Variants in CFAP299 observed in about 807,000 individuals in gnomAD.
CFAP299 encodes the protein cilia and flagella associated protein 299, also known as cilia- and flagella-associated protein 299.
CFAP299 carries 21 observed loss-of-function variants against 27.0 expected under a neutral mutation model. That is an observed-to-expected ratio of 0.78 (90% CI 0.55 to 1.12). The LOEUF is 1.12. Ranked by LOEUF, CFAP299 falls within the 50% of genes most tolerant of loss-of-function variation. The pLI, the probability that CFAP299 is intolerant of heterozygous loss-of-function variation, is 0.00. For missense variants in CFAP299, 310 were observed against 276.6 expected, an observed-to-expected ratio of 1.12 and a Z score of -0.86; for synonymous variants, 104 against 98.1, an observed-to-expected ratio of 1.06 and a Z score of -0.36.
intron 3 of CFAP299, among the ~76,000 whole-genome samples, chr4:80,650,523 G>C (rs941324195): frequency 1.3e-5 from 2 of 152,058 alleles, no homozygotes; most frequent in Non-Finnish European, 2.9e-5. Context: ...TTTGACCATA[G>C]ATGACTGGCA....
intron 3 of CFAP299, among the ~76,000 whole-genome samples, chr4:80,661,706 A>G (rs1157855171): frequency 6.6e-6 from 1 of 152,206 alleles, no homozygotes; most frequent in Admixed American, 6.5e-5. Flanking sequence ...ACAGGACAAC[A>G]GCAATGTTCA....
At chr4:80,618,404 G>A (rs1738406239) in intron 3 of CFAP299, among the ~76,000 whole-genome samples, 1 of 152,084 alleles carries the variant, frequency 6.6e-6, no homozygotes, top group Non-Finnish European at 1.5e-5. Flanking sequence ...AACCAGCCAA[G>A]TATGTACTTT....
intron 2 of CFAP299, among the ~76,000 whole-genome samples, chr4:80,579,485 C>G (rs1736058583): frequency 6.6e-6 from 1 of 152,082 alleles, no homozygotes; most frequent in Admixed American, 6.6e-5. Context: ...AGTAAGAATT[C>G]TATTGCCTAT....
Position 80,653,984 on chromosome 4 carries a change from T to C in CFAP299, c.333+70801T>C, listed in dbSNP as rs184708488. Among the ~76,000 whole-genome samples the C allele has an allele frequency of 4.0e-3, 614 of 152,270 alleles. 3 individuals carry two copies. The highest frequency in any genetic ancestry group is 6.9e-3 in the Non-Finnish European group (472 of 68,012). The stretch of plus-strand genomic sequence containing the variant: ...TGTGGGTATGCATATCATGCTAATA[T>C]AATGTGGTGGGAAAGAACTAATGCA... On this transcript the variant is annotated intron_variant, in intron 3 of 5. Coordinates refer to ENST00000358105, the MANE Select transcript of CFAP299 (RefSeq NM_152770.3).
At chr4:80,524,490 G>T (rs111773137) in intron 2 of CFAP299, among the ~76,000 whole-genome samples, 1 of 151,904 alleles carries the variant, frequency 6.6e-6, no homozygotes, top group African/African-American at 2.4e-5. Context: ...AATGTCTGTA[G>T]GTGTTTTCAA....
chr4:80,879,966 A>G (rs1733609092), intron 4 of CFAP299, among the ~76,000 whole-genome samples: 1 of 152,196 alleles, frequency 6.6e-6, no homozygotes, highest in Non-Finnish European at 1.5e-5. Context: ...ATGCATTTGG[A>G]GGTCTACAAA....
intron 2 of CFAP299, among the ~76,000 whole-genome samples, chr4:80,415,989 T>G (rs1484886859): frequency 2.0e-5 from 3 of 152,210 alleles, no homozygotes; most frequent in Non-Finnish European, 4.4e-5. Context: ...AGGTTGAGTA[T>G]TCTATGGACA....
chr4:80,399,609 C>T (rs1041072944), intron 2 of CFAP299, among the ~76,000 whole-genome samples: 1 of 149,626 alleles, frequency 6.7e-6, no homozygotes, highest in Non-Finnish European at 1.5e-5. Flanking sequence ...CCAAACACCT[C>T]ATGTTCTCAC....
intron 3 of CFAP299, among the ~76,000 whole-genome samples, chr4:80,669,443 G>A (rs148391504): frequency 0.013 from 1,962 of 151,988 alleles, 23 homozygotes; most frequent in Middle Eastern, 0.031. Flanking sequence ...GTGAGCCACC[G>A]TGCCTGGCCA....
At chr4:80,827,515 T>C (rs1273828952) in intron 3 of CFAP299, among the ~76,000 whole-genome samples, 1 of 151,822 alleles carries the variant, frequency 6.6e-6, no homozygotes, top group African/African-American at 2.4e-5. Flanking sequence ...AACTTGACTC[T>C]CTTTCATGAT....
At chr4:80,830,609 A>T (rs539553253) in intron 3 of CFAP299, among the ~76,000 whole-genome samples, 1 of 152,076 alleles carries the variant, frequency 6.6e-6, no homozygotes, top group Non-Finnish European at 1.5e-5. Flanking sequence ...AGGCCAAACT[A>T]TCTCAAGGGC....
At chr4:80,407,644 A>G (rs2110057315) in intron 2 of CFAP299, among the ~76,000 whole-genome samples, 1 of 152,344 alleles carries the variant, frequency 6.6e-6, no homozygotes, top group East Asian at 1.9e-4. Context: ...GTGAAGAAAT[A>G]GATTCCACTT....
intron 4 of CFAP299, among the ~76,000 whole-genome samples, chr4:80,886,073 C>A (rs935517951): frequency 3.9e-5 from 6 of 152,152 alleles, no homozygotes; most frequent in Non-Finnish European, 1.5e-5. Context: ...TGGCAGAACA[C>A]CCCACGGACT....
At chr4:80,914,704 G>A (rs1735660840) in intron 4 of CFAP299, among the ~76,000 whole-genome samples, 1 of 152,114 alleles carries the variant, frequency 6.6e-6, no homozygotes, top group Non-Finnish European at 1.5e-5. Context: ...GTGGAGCTTT[G>A]ATAGTTTGTA....
chr4:80,741,075 C>A (rs953318121), intron 3 of CFAP299, among the ~76,000 whole-genome samples: 21 of 152,096 alleles, frequency 1.4e-4, no homozygotes, highest in African/African-American at 4.1e-4. Flanking sequence ...AGACAAAATC[C>A]CCTTTACTTT....
At position 80,767,712 on chromosome 4, in the gene CFAP299, A is replaced by T. The variant is rs115656951; in HGVS notation, c.334-102281A>T. Among the ~76,000 whole-genome samples, 890 of 152,334 alleles carry T rather than the reference A, an allele frequency of 5.8e-3. 6 individuals carry two copies. The highest frequency in any genetic ancestry group is 0.02 in the African/African-American group (829 of 41,576). On this transcript the variant is annotated intron_variant, in intron 3 of 5. Coordinates refer to ENST00000358105, the MANE Select transcript of CFAP299 (RefSeq NM_152770.3). Reference sequence around the variant, plus strand: ...AGAAATTGCTGAAAGGAAATCACAGATAGTGGGAGACTATTGTGGCTGATT... The same window carrying T: ...AGAAATTGCTGAAAGGAAATCACAGTTAGTGGGAGACTATTGTGGCTGATT...
intron 3 of CFAP299, among the ~76,000 whole-genome samples, chr4:80,865,522 A>T (rs190538775): frequency 6.6e-6 from 1 of 152,318 alleles, no homozygotes; most frequent in Admixed American, 6.5e-5. Flanking sequence ...CTAAAATTAA[A>T]TGTTTAGTTG....
intron 3 of CFAP299, among the ~76,000 whole-genome samples, chr4:80,602,871 T>C (rs981109501): frequency 1.3e-5 from 2 of 152,144 alleles, no homozygotes; most frequent in Non-Finnish European, 2.9e-5. Context: ...ACACTGGCCA[T>C]GTGCACACAG....
intron 4 of CFAP299, among the ~76,000 whole-genome samples, chr4:80,880,752 TA>T (rs1178035383): frequency 4.0e-5 from 6 of 149,168 alleles, no homozygotes; most frequent in African/African-American, 1.0e-4. Context: ...TAAAATAAAA[TA>T]AAATTAAATT....
Sources: gnomAD v4.1 joint callset for allele counts (sites outside exome capture counted in the v4.1 genomes callset) on GRCh38, gnomAD v4.1.1 for gene constraint, MANE v1.5 for transcripts, NCBI Gene and HGNC (gene_info 2026-07-23, HGNC 2026-07-21) for gene names.